Variants in TRPM2 observed in about 807,000 individuals in gnomAD.
TRPM2 encodes estrogen-responsive element-associated gene 1 protein.
TRPM2 carries 161 observed loss-of-function variants against 174.0 expected under a neutral mutation model. The ratio of observed to expected loss-of-function variants is 0.93; its 90% CI spans 0.81 to 1.05. The LOEUF (loss-of-function observed/expected upper bound fraction) is 1.05. Among genes scored for constraint, TRPM2 ranks in the 50% least tolerant of loss-of-function variants. The pLI, the probability that TRPM2 is intolerant of heterozygous loss-of-function variation, is 0.00. For synonymous variants in TRPM2, 954 were observed against 861.3 expected, an observed-to-expected ratio of 1.11 and a Z score of -1.88; for missense variants, 2,057 against 2,038.0, an observed-to-expected ratio of 1.01 and a Z score of -0.18.
Position 44,406,705 on chromosome 21 carries a change from C to T in TRPM2, c.2902C>T (p.Arg968Ter), listed in dbSNP as rs143942852. The T allele has an allele frequency of 2.9e-4, 466 of 1,608,856 alleles. No individual in the cohort carries two copies. The highest frequency in any genetic ancestry group is 3.7e-4 in the Non-Finnish European group (431 of 1,179,184). Residue 968 changes from arginine to a stop codon, truncating the protein, a stop_gained, in exon 19 of 32, where the codon CGA becomes TGA. Transcript: ENST00000397928. LOFTEE classifies it high-confidence loss of function. ...HNERRVDWLF[R>*]GAVYHSYLTI... Reference sequence around the variant, plus strand: ...CGAGCGCCGGGTGGACTGGCTGTTCCGAGGGGCCGTCTACCACTCCTACCT... The same window carrying T: ...CGAGCGCCGGGTGGACTGGCTGTTCTGAGGGGCCGTCTACCACTCCTACCT...
chr21:44,433,477 C>T (rs1052112259), intron 27 of TRPM2, among the ~76,000 whole-genome samples: 13 of 152,234 alleles, frequency 8.5e-5, no homozygotes, highest in African/African-American at 1.2e-4. Flanking sequence ...GGGTTCTGCC[C>T]GCTCAGTGGC....
intron 12 of TRPM2, 130 bp downstream of exon 12, chr21:44,395,681 G>GACTGTGGAA: frequency 2.2e-6 from 1 of 462,032 alleles, no homozygotes; most frequent in South Asian, 2.2e-5. Flanking sequence ...GGGGTGTGGA[G>GACTGTGGAA]GGGTGTGGAG....
At position 44,364,119 on chromosome 21, in the gene TRPM2, T is replaced by C. The variant is rs1411843187; in HGVS notation, c.260T>C (p.Val87Ala). Reference protein sequence around the residue: ...ESSKLSDAGKVVCQCGYTHEQ... With the variant: ...ESSKLSDAGKAVCQCGYTHEQ... ...CTGGTGCTGTGTCTTTGCAGGAAGG[T>C]GGTGTGTCAGTGTGGCTACACGCAT... The change falls in exon 3 of 32, where the codon GTG (valine) becomes GCG (alanine). Residue 87 changes from valine (V) to alanine (A), a missense_variant. Val to Ala is a moderately conservative substitution (Grantham distance 64, BLOSUM62 0). Transcript: ENST00000397928. 1 of 1,613,542 alleles carries C rather than the reference T, an allele frequency of 6.2e-7. No individual in the cohort carries two copies. The highest frequency in any genetic ancestry group is 1.1e-5 in the South Asian group (1 of 91,020).
chr21:44,410,693 A>G (rs71316198), intron 19 of TRPM2, among the ~76,000 whole-genome samples: 1 of 65,610 alleles, frequency 1.5e-5, no homozygotes, highest in African/African-American at 4.6e-5. Context: ...TTTTGACCAC[A>G]CTGTCTTGGT....
At chr21:44,386,703 C>G (rs2049028071) in intron 9 of TRPM2, among the ~76,000 whole-genome samples, 1 of 146,540 alleles carries the variant, frequency 6.8e-6, no homozygotes, top group Non-Finnish European at 1.5e-5. Flanking sequence ...CAATTCCTAT[C>G]AAAACCCCAG....
chr21:44,419,175 C>T (rs2050421209), intron 22 of TRPM2, among the ~76,000 whole-genome samples: 1 of 152,176 alleles, frequency 6.6e-6, no homozygotes, highest in African/African-American at 2.4e-5. Flanking sequence ...GTGTGCGTCT[C>T]ACCATGGCAT....
chr21:44,400,406 G>A lies in TRPM2; in HGVS notation c.2321+35G>A, dbSNP rs764248872. On this transcript the variant is annotated intron_variant, in intron 15 of 31. Transcript: ENST00000397928. ...GGCTGCGGGGCTGCGGGACTGTGGG[G>A]CTGCGGGGCTGCGGGAGAGGCTCCT... 1.5e-5 allele frequency: 23 copies of A among 1,560,336 alleles called. No individual in the cohort carries two copies. In the Middle Eastern group the frequency reaches 6.9e-4, roughly 47 times the overall value.
At position 44,364,052 on chromosome 21, in the gene TRPM2, G is replaced by A. The variant is rs45579940; in HGVS notation, c.255-62G>A. ...GGCTTTCCACTGGGCCTCCTCTGAT[G>A]CCTTCACAGGGAGCAGGAAGGGCAC... is the stretch of plus-strand genomic sequence containing the variant. On this transcript the variant is annotated intron_variant, in intron 2 of 31. Coordinates refer to ENST00000397928, the MANE Select transcript of TRPM2 (RefSeq NM_003307.4). 1,074 of 1,543,780 alleles carry A rather than the reference G, an allele frequency of 7.0e-4. 13 individuals carry two copies. The African/African-American group carries it at 0.013, about 18-fold the overall frequency.
In TRPM2 at chr21:44,439,156, G is replaced by A. The variant is rs754756000; in HGVS notation, c.4257G>A (p.Lys1419=). Residue 1419 remains lysine, a synonymous_variant, in exon 30 of 32, where the codon AAG becomes AAA. Transcript: ENST00000397928. The surrounding 1 kb of genome is among the most constrained non-coding windows in gnomAD (Gnocchi z 5.1). ...GGCCGTCTTTTGAAAACTTGCTGAA[G>A]TGCGGCATGGAGGTATTCCTGGCCT... The part of the protein sequence containing the change: ...EHWPSFENLL[K]CGMEVYKGYM... 13 of 1,613,620 alleles carry A rather than the reference G, an allele frequency of 8.1e-6. No homozygotes were observed. In the South Asian group the frequency reaches 1.3e-4, roughly 16 times the overall value.
chr21:44,441,030 T>G, intron 31 of TRPM2, 125 bp downstream of exon 31: 1 of 778,124 alleles, frequency 1.3e-6, no homozygotes, highest in Non-Finnish European at 2.2e-6. Flanking sequence ...TGTATGGGCG[T>G]GGCCTCCGGG....
intron 11 of TRPM2, among the ~76,000 whole-genome samples, chr21:44,393,634 C>A (rs2049249086): frequency 6.6e-6 from 1 of 151,878 alleles, no homozygotes; most frequent in Non-Finnish European, 1.5e-5. Flanking sequence ...GCTTGGTCGA[C>A]TCCCCTGTGA....
rs1247531243 is a variant in TRPM2, at chr21:44,435,094, G to A, written c.3975-37G>A. On this transcript the variant is annotated intron_variant, in intron 27 of 31. Transcript: ENST00000397928. ...CCTGCCCTGTCCTGCTCCCCCATTG[G>A]TGGACGGTGGACTGACTCAACCCCT... 4.4e-6 allele frequency: 7 copies of A among 1,594,872 alleles called. No homozygotes were observed. In the African/African-American group the frequency reaches 9.4e-5, roughly 21 times the overall value.
At chr21:44,436,598 G>A (rs2051278874) in intron 28 of TRPM2, among the ~76,000 whole-genome samples, 1 of 102,720 alleles carries the variant, frequency 9.7e-6, no homozygotes, top group South Asian at 3.2e-4. Context: ...TCAACCCTGG[G>A]CTGCACTCAG....
intron 27 of TRPM2, among the ~76,000 whole-genome samples, chr21:44,434,032 CAGCTGTCCTGGGGCAGCCACGGT>C (rs2051132982): frequency 4.0e-5 from 6 of 149,918 alleles, no homozygotes; most frequent in South Asian, 2.1e-4. Flanking sequence ...TAGAGGTGGT[CAGCTGTCCTGGGGCAGCCACGGT>C]CAGCTGTCCT....
chr21:44,404,212 GACAC>G (rs760749737), intron 16 of TRPM2, among the ~76,000 whole-genome samples: 2 of 150,036 alleles, frequency 1.3e-5, no homozygotes, highest in African/African-American at 4.9e-5. Context: ...TATACACAGA[GACAC>G]ACAGATACAC....
Position 44,354,913 on chromosome 21 carries a change from G to A in TRPM2, c.254+177G>A, listed in dbSNP as rs910415847. 1.3e-5 allele frequency among the ~76,000 whole-genome samples: 2 copies of A among 152,160 alleles called. No homozygotes were observed. The highest frequency in any genetic ancestry group is 4.8e-5 in the African/African-American group (2 of 41,432). ...TCCACCTAACCCTTGCAAGCCTCCT[G>A]TCGGGGACAGTTGACCCTCATCCTG... On this transcript the variant is annotated intron_variant, in intron 2 of 31. Transcript: ENST00000397928. This position sits in a 1 kb window ranked among gnomAD's most constrained non-coding sequence, Gnocchi z 4.3.
Position 44,423,646 on chromosome 21 carries a change from G to A in TRPM2, c.3463G>A (p.Val1155Ile), listed in dbSNP as rs1601228817. Residue 1155 changes from valine to isoleucine, a missense_variant and splice_region_variant, in exon 23 of 32, where the codon GTT (valine) becomes ATT (isoleucine). Val to Ile is a conservative substitution (Grantham distance 29). Coordinates refer to ENST00000397928, the MANE Select transcript of TRPM2 (RefSeq NM_003307.4). ...EQKIEDISNK[V>I]DAMVDLLDLD... ...CAGCTCAGCTGCTTCCTCTTTCAGG[G>A]TTGACGCCATGGTGGACCTGCTGGA... The A allele has an allele frequency of 6.2e-7, 1 of 1,612,292 alleles. No individual in the cohort carries two copies. The highest frequency in any genetic ancestry group is 8.5e-7 in the Non-Finnish European group (1 of 1,179,640).
At chr21:44,396,941 G>T (rs1448379553) in intron 12 of TRPM2, among the ~76,000 whole-genome samples, 1 of 149,736 alleles carries the variant, frequency 6.7e-6, no homozygotes, top group Non-Finnish European at 1.5e-5. Flanking sequence ...GTTGTGGAGG[G>T]CTGTGGAGGC....
At chr21:44,426,524 C>T in intron 25 of TRPM2, 136 bp from the exon 26 acceptor site, 1 of 923,516 alleles carries the variant, frequency 1.1e-6, no homozygotes, top group Non-Finnish European at 1.7e-6. Context: ...ATCTGCCCAG[C>T]TTGGAGCTTC....
Sources: gnomAD v4.1 joint callset for allele counts (sites outside exome capture counted in the v4.1 genomes callset) on GRCh38, gnomAD v4.1.1 for gene constraint, Gnocchi (gnomAD v3.1) non-coding constraint, MANE v1.5 for transcripts, NCBI Gene and HGNC (gene_info 2026-07-23, HGNC 2026-07-21) for gene names.